The following DNAAF9 variants were observed in gnomAD, a reference collection of about 807,000 sequenced individuals.
DNAAF9 encodes shulin.
DNAAF9 carries 90 observed loss-of-function variants against 167.0 expected under a neutral mutation model. That is an observed-to-expected ratio of 0.54 (90% confidence interval 0.45 to 0.64). The LOEUF (loss-of-function observed/expected upper bound fraction) is 0.64. Ranked by LOEUF, DNAAF9 falls within the 30% of genes least tolerant of loss-of-function variation. The pLI, the probability that DNAAF9 is intolerant of heterozygous loss-of-function variation, is 0.00. For missense variants in DNAAF9, 1,315 were observed against 1,442.2 expected, an observed-to-expected ratio of 0.91 and a Z score of 1.43; for synonymous variants, 491 against 508.8, an observed-to-expected ratio of 0.96 and a Z score of 0.47.
intron 1 of DNAAF9, among the ~76,000 whole-genome samples, chr20:3,403,123 G>A (rs2084011743): frequency 6.6e-6 from 1 of 151,864 alleles, no homozygotes; most frequent in African/African-American, 2.4e-5. Context: ...TCAGTGCCTT[G>A]ATTCCCCCAC....
chr20:3,392,224 G>A (rs2083836771), intron 1 of DNAAF9, among the ~76,000 whole-genome samples: 3 of 152,102 alleles, frequency 2.0e-5, no homozygotes, highest in African/African-American at 4.8e-5. Flanking sequence ...CAATGACACT[G>A]CCCTCTAACC....
intron 6 of DNAAF9, among the ~76,000 whole-genome samples, chr20:3,372,654 G>T (rs1023531693): frequency 6.6e-6 from 1 of 152,184 alleles, no homozygotes; most frequent in Non-Finnish European, 1.5e-5. Flanking sequence ...TGTGATTCTA[G>T]CTGCAGCCCA....
chr20:3,259,660 G>T, intron 32 of DNAAF9, 106 bp from the exon 33 acceptor site: 1 of 796,576 alleles, frequency 1.3e-6, no homozygotes, highest in Non-Finnish European at 2.2e-6. Flanking sequence ...ATACACCAGG[G>T]TCTAGGGTTC....
intron 23 of DNAAF9, 135 bp downstream of exon 23, chr20:3,296,726 T>A (rs1351105284): frequency 1.5e-6 from 1 of 658,406 alleles, no homozygotes; most frequent in Non-Finnish European, 2.7e-6. Context: ...ACCTGCAAGT[T>A]GGCAGCATTG....
rs6037515 is a variant in DNAAF9 at position 3,252,445 on chromosome 20, C to A, written c.*127G>T. The A allele has an allele frequency of 0.22, 142,604 of 659,572 alleles. 16,582 individuals carry two copies. Among genetic ancestry groups the A allele is most frequent in the African/African-American group, 0.37 (20,587 of 55,296 alleles). The allele number at this position is 659,572 out of a possible 1,614,324, so 40.9% of individuals were successfully genotyped here. On this transcript the variant is annotated 3_prime_UTR_variant, in exon 37 of 37. Transcript: ENST00000252032. ...AAAGACAACATGCACTCAAGCCAGC[C>A]CACACAGGCCAAGGAGAACAAAGAC...
intron 8 of DNAAF9, among the ~76,000 whole-genome samples, chr20:3,347,525 G>C (rs1468940399): frequency 6.6e-6 from 1 of 152,184 alleles, no homozygotes; most frequent in Non-Finnish European, 1.5e-5. Context: ...AGGCTGAGAA[G>C]CGATACACTG....
At chr20:3,270,249 C>T (rs1443191316) in intron 30 of DNAAF9, among the ~76,000 whole-genome samples, 178 bp downstream of exon 30, 1 of 151,286 alleles carries the variant, frequency 6.6e-6, no homozygotes, top group African/African-American at 2.4e-5. Context: ...TTCAAGTGAT[C>T]CTCCCTTCTC....
rs1454873021 is a variant in DNAAF9, at chr20:3,250,894, C to T, written c.*1678G>A. On this transcript the variant is annotated 3_prime_UTR_variant, in exon 37 of 37. Coordinates refer to ENST00000252032, the MANE Select transcript of DNAAF9 (RefSeq NM_001009984.3). Reference sequence around the variant, plus strand: ...AGCTAAAGGAAGCTACAGTAACTCACTGCTTATTAATCAATTGCACTTAAG... The same window carrying T: ...AGCTAAAGGAAGCTACAGTAACTCATTGCTTATTAATCAATTGCACTTAAG... 6.6e-6 allele frequency: 1 copy of T among 152,210 alleles called. No individual in the cohort carries two copies. Among genetic ancestry groups the T allele is most frequent in the African/African-American group, 2.4e-5 (1 of 41,452 alleles). 9.4% of individuals were successfully genotyped at this position (152,210 alleles called of 1,614,324 possible).
chr20:3,323,203 C>T (rs1220996693), intron 14 of DNAAF9, among the ~76,000 whole-genome samples: 1 of 149,814 alleles, frequency 6.7e-6, no homozygotes, highest in Non-Finnish European at 1.5e-5. Flanking sequence ...TTCATGGCTC[C>T]CACTCCTTCC....
At chr20:3,396,486 G>A (rs2083908818) in intron 1 of DNAAF9, among the ~76,000 whole-genome samples, 1 of 152,190 alleles carries the variant, frequency 6.6e-6, no homozygotes, top group Admixed American at 6.5e-5. Flanking sequence ...TTAATTTTAA[G>A]GGAGGGAGGC....
chr20:3,284,533 G>GTATGACCCAACTGTAT (rs34464592), intron 27 of DNAAF9, among the ~76,000 whole-genome samples: 31,259 of 151,762 alleles, frequency 0.21, 3,510 homozygotes, highest in African/African-American at 0.28. Flanking sequence ...GTATGACGAA[G>GTATGACCCAACTGTAT]GCAAAAAACT....
At chr20:3,276,807 T>C (rs1440602939) in intron 29 of DNAAF9, among the ~76,000 whole-genome samples, 1 of 152,208 alleles carries the variant, frequency 6.6e-6, no homozygotes, top group Non-Finnish European at 1.5e-5. Flanking sequence ...GGCCTGAGGC[T>C]GGACAGGTCA....
At chr20:3,367,911 T>C (rs555333532) in intron 6 of DNAAF9, among the ~76,000 whole-genome samples, 1 of 117,992 alleles carries the variant, frequency 8.5e-6, no homozygotes, top group East Asian at 2.2e-4. Context: ...CATCAATTTG[T>C]TTAAAAAAAA....
chr20:3,370,782 G>A (rs922144594), intron 6 of DNAAF9, among the ~76,000 whole-genome samples: 9 of 152,026 alleles, frequency 5.9e-5, no homozygotes, highest in Non-Finnish European at 8.8e-5. Context: ...CGATCCTCCC[G>A]CCTTGGCCTC....
intron 1 of DNAAF9, among the ~76,000 whole-genome samples, chr20:3,394,959 T>TCTGAGACAGCC (rs1568647966): frequency 5.6e-4 from 15 of 26,726 alleles, no homozygotes; most frequent in East Asian, 2.2e-3. Context: ...CTTTTTTTTT[T>TCTGAGACAGCC]TTTTTTTTTT....
At chr20:3,258,766 A>C (rs1600655692) in intron 33 of DNAAF9, among the ~76,000 whole-genome samples, 1 of 152,024 alleles carries the variant, frequency 6.6e-6, no homozygotes. Flanking sequence ...TACAGCCAAC[A>C]CCTGCTAGCT....
At chr20:3,368,156 T>C (rs956553344) in intron 6 of DNAAF9, among the ~76,000 whole-genome samples, 2 of 152,142 alleles carry the variant, frequency 1.3e-5, no homozygotes, top group Non-Finnish European at 2.9e-5. Flanking sequence ...AGGGGAATCT[T>C]TGGACGGTTC....
At chr20:3,324,562 C>T (rs2069676233) in intron 14 of DNAAF9, among the ~76,000 whole-genome samples, 1 of 152,194 alleles carries the variant, frequency 6.6e-6, no homozygotes, top group Non-Finnish European at 1.5e-5. Flanking sequence ...GCCCAGGGCC[C>T]TCTGCCCCTA....
At chr20:3,264,388 T>A in intron 31 of DNAAF9, 50 bp downstream of exon 31, 1 of 835,128 alleles carries the variant, frequency 1.2e-6, no homozygotes, top group African/African-American at 1.7e-5. Context: ...AATAAATAAA[T>A]CATTGGGTTT....
Sources: allele counts gnomAD v4.1 joint callset (sites outside exome capture counted in the v4.1 genomes callset), GRCh38; gene constraint gnomAD v4.1.1; transcripts MANE v1.5; gene names NCBI Gene and HGNC (gene_info 2026-07-23, HGNC 2026-07-21).